CAMK4: variants seen among roughly 807,000 people sequenced by gnomAD.
The protein encoded by CAMK4 is calcium/calmodulin-dependent protein kinase type IV.
A neutral mutation model predicts 44.9 loss-of-function variants in CAMK4; 22 were observed. The ratio of observed to expected loss-of-function variants is 0.49; its 90% CI spans 0.35 to 0.70. CAMK4 has a LOEUF of 0.70. Ranked by LOEUF, CAMK4 falls within the 30% of genes least tolerant of loss-of-function variation. The probability of loss-of-function intolerance (pLI) is 0.01; values close to 1 mark genes in which losing one functional copy is unlikely to be tolerated. For missense variants in CAMK4, 498 were observed against 586.8 expected, an observed-to-expected ratio of 0.85 and a Z score of 1.56; for synonymous variants, 218 against 215.4, an observed-to-expected ratio of 1.01 and a Z score of -0.11.
chr5:111,243,850 A>G (rs780950356), intron 1 of CAMK4, among the ~76,000 whole-genome samples: 3 of 152,230 alleles, frequency 2.0e-5, no homozygotes, highest in Non-Finnish European at 2.9e-5. Flanking sequence ...TAGCTGCACG[A>G]ATGCAACATG....
intron 5 of CAMK4, among the ~76,000 whole-genome samples, chr5:111,424,007 C>A (rs1753124079): frequency 6.6e-6 from 1 of 152,170 alleles, no homozygotes; most frequent in Admixed American, 6.5e-5. Flanking sequence ...CACAGCTGGT[C>A]CATGGACGAA....
intron 1 of CAMK4, among the ~76,000 whole-genome samples, chr5:111,296,682 A>C (rs1747496780): frequency 6.6e-6 from 1 of 152,238 alleles, no homozygotes; most frequent in Non-Finnish European, 1.5e-5. Flanking sequence ...AAAAGGAATC[A>C]GTAACTGAAA....
chr5:111,425,993 C>G (rs1193547914), intron 5 of CAMK4, among the ~76,000 whole-genome samples: 1 of 152,004 alleles, frequency 6.6e-6, no homozygotes, highest in Non-Finnish European at 1.5e-5. Flanking sequence ...CATGACAGAA[C>G]ATTTTTGTAT....
chr5:111,299,273 G>C (rs769166035), intron 1 of CAMK4, among the ~76,000 whole-genome samples: 1 of 152,208 alleles, frequency 6.6e-6, no homozygotes, highest in Non-Finnish European at 1.5e-5. Context: ...CCACTCATGT[G>C]AGCTTGTGCT....
At chr5:111,261,024 C>T (rs1357220233) in intron 1 of CAMK4, among the ~76,000 whole-genome samples, 1 of 152,170 alleles carries the variant, frequency 6.6e-6, no homozygotes, top group African/African-American at 2.4e-5. Flanking sequence ...GCCATTCCAA[C>T]AGTCACCTTA....
intron 1 of CAMK4, among the ~76,000 whole-genome samples, chr5:111,326,766 G>A (rs919670735): frequency 6.6e-6 from 1 of 151,716 alleles, no homozygotes; most frequent in Non-Finnish European, 1.5e-5. Flanking sequence ...ACAATACAGG[G>A]AAGGAGTACA....
chr5:111,470,607 G>T (rs1755030274), intron 7 of CAMK4, among the ~76,000 whole-genome samples: 1 of 152,068 alleles, frequency 6.6e-6, no homozygotes. Context: ...GAGAACTGAG[G>T]GATAACCATG....
At chr5:111,308,271 ATG>A (rs1242738299) in intron 1 of CAMK4, among the ~76,000 whole-genome samples, 3 of 151,882 alleles carry the variant, frequency 2.0e-5, no homozygotes, top group African/African-American at 7.3e-5. Flanking sequence ...AATAAAATAA[ATG>A]TATCAAAACT....
At chr5:111,348,254 A>G (rs926215887) in intron 2 of CAMK4, among the ~76,000 whole-genome samples, 1 of 152,060 alleles carries the variant, frequency 6.6e-6, no homozygotes, top group Non-Finnish European at 1.5e-5. Flanking sequence ...CTGAGCTTCA[A>G]TGAGATTCCA....
intron 1 of CAMK4, among the ~76,000 whole-genome samples, chr5:111,252,862 G>C (rs1225103267): frequency 2.6e-5 from 4 of 152,140 alleles, no homozygotes; most frequent in Non-Finnish European, 5.9e-5. Flanking sequence ...GTATAGACTA[G>C]AAAAATAATT....
rs1405690975 is a variant in CAMK4, at chr5:111,448,533, C to G, written c.551-596C>G. On this transcript the variant is annotated intron_variant, in intron 6 of 10. Transcript: ENST00000282356. ...TTTAAGAAAAAATAGCTTGGCTGGG[C>G]GCGGGGGCTCACACCTGTAATCCCA... 2.0e-5 allele frequency among the ~76,000 whole-genome samples: 3 copies of G among 152,170 alleles called. No individual in the cohort carries two copies. The South Asian group carries it at 6.2e-4, about 32-fold the overall frequency.
chr5:111,425,593 C>A (rs981642338), intron 5 of CAMK4, among the ~76,000 whole-genome samples: 6 of 152,086 alleles, frequency 3.9e-5, no homozygotes, highest in Non-Finnish European at 5.9e-5. Context: ...TTTTAAGTAC[C>A]AGGAATGATG....
chr5:111,243,897 T>G (rs186385359), intron 1 of CAMK4, among the ~76,000 whole-genome samples: 79 of 152,296 alleles, frequency 5.2e-4, no homozygotes, highest in Non-Finnish European at 9.7e-4. Context: ...CTGACTTAGA[T>G]TTTTTCAGGA....
chr5:111,446,076 G>A (rs1366258538), intron 5 of CAMK4, among the ~76,000 whole-genome samples: 3 of 152,216 alleles, frequency 2.0e-5, no homozygotes, highest in African/African-American at 4.8e-5. Flanking sequence ...GTTGCTAGAT[G>A]TGATCTTTGA....
At chr5:111,483,661 C>T (rs1755508281) in intron 10 of CAMK4, among the ~76,000 whole-genome samples, 1 of 152,162 alleles carries the variant, frequency 6.6e-6, no homozygotes, top group South Asian at 2.1e-4. Flanking sequence ...ACTCTTATAT[C>T]CCCATGATGA....
At position 111,390,871 on chromosome 5, in the gene CAMK4, T is replaced by C. The variant is rs1401159003; in HGVS notation, c.387-3839T>C. Among the ~76,000 whole-genome samples, 5 of 152,212 alleles carry C rather than the reference T, an allele frequency of 3.3e-5. No homozygotes were observed. The South Asian group carries it at 1.0e-3, about 32-fold the overall frequency. On this transcript the variant is annotated intron_variant, in intron 4 of 10. Transcript: ENST00000282356. ...CAACTAATGACAACAGGAAGAGCCA[T>C]GTGGAATGATCACCTGTACACGAAG...
intron 5 of CAMK4, among the ~76,000 whole-genome samples, chr5:111,401,960 G>C (rs1274124676): frequency 6.6e-6 from 1 of 152,244 alleles, no homozygotes; most frequent in Non-Finnish European, 1.5e-5. Context: ...CAGCCAGCCA[G>C]TGCTGGTGTT....
chr5:111,324,359 A>G lies in CAMK4; in HGVS notation c.162-19665A>G, dbSNP rs183690258. Among the ~76,000 whole-genome samples the G allele has an allele frequency of 2.2e-3, 334 of 152,146 alleles. 1 individual carries two copies. Among genetic ancestry groups the G allele is most frequent in the African/African-American group, 7.7e-3 (321 of 41,562 alleles). ...TGAAAATAAAAGGATATAAAAAGAA[A>G]TATTCAAATTCTAAATATAAGAAAG... On this transcript the variant is annotated intron_variant, in intron 1 of 10. Transcript: ENST00000282356.
chr5:111,392,479 A>T (rs755429535), intron 4 of CAMK4, among the ~76,000 whole-genome samples: 3 of 152,100 alleles, frequency 2.0e-5, no homozygotes, highest in African/African-American at 7.2e-5. Flanking sequence ...AAAAATCCAA[A>T]CCATATCAGC....
Sources: allele counts gnomAD v4.1 joint callset (sites outside exome capture counted in the v4.1 genomes callset), GRCh38; gene constraint gnomAD v4.1.1; transcripts MANE v1.5; gene names NCBI Gene and HGNC (gene_info 2026-07-23, HGNC 2026-07-21).